FUBP3: variants seen among roughly 807,000 people sequenced by gnomAD.
The protein encoded by FUBP3 is far upstream element binding protein 3.
FUBP3 carries 28 observed loss-of-function variants against 85.6 expected under a neutral mutation model. The ratio of observed to expected loss-of-function variants is 0.33; its 90% CI spans 0.24 to 0.45. The LOEUF (loss-of-function observed/expected upper bound fraction) is 0.45, where lower values mean the gene tolerates loss of function less well. FUBP3 is among the 20% of genes least tolerant of loss of function. The pLI, the probability that FUBP3 is intolerant of heterozygous loss-of-function variation, is 1.00. For synonymous variants in FUBP3, 271 were observed against 271.4 expected (o/e 1.00, Z 0.01); for missense variants, 583 against 755.1 (o/e 0.77, Z 2.67).
chr9:130,595,226 CAAAAAAA>C (rs10585883), intron 1 of FUBP3, among the ~76,000 whole-genome samples: 1 of 100,882 alleles, frequency 9.9e-6, no homozygotes, highest in Admixed American at 1.0e-4. Context: ...AACTCCGTCT[CAAAAAAA>C]AAAAAAAAAA....
At chr9:130,622,961 T>C (rs1588154442) in intron 10 of FUBP3, 151 bp downstream of exon 10, 2 of 441,014 alleles carry the variant, frequency 4.5e-6, no homozygotes, top group African/African-American at 2.0e-5. Context: ...TGCTACCAGA[T>C]GACCAATCTC....
At position 130,579,651 on chromosome 9, in the gene FUBP3, G is replaced by T; in HGVS notation, c.-30G>T. ...CCGAGCGGCGGCGTCGGCGGCGTCG[G>T]CGGCGGCGGCGACGGCGGCGGGGGC... On this transcript the variant is annotated 5_prime_UTR_variant, in exon 1 of 19. Coordinates refer to ENST00000319725, the MANE Select transcript of FUBP3 (RefSeq NM_003934.2). 4.2e-6 allele frequency: 5 copies of T among 1,186,102 alleles called. No individual in the cohort carries two copies. The highest frequency in any genetic ancestry group is 4.2e-6 in the Non-Finnish European group (4 of 943,038). The allele number at this position is 1,186,102 out of a possible 1,614,324, so 73.5% of individuals were successfully genotyped here.
rs529680208 is a variant in FUBP3 at position 130,591,958 on chromosome 9, G to T, written c.85-3525G>T. 1.8e-4 allele frequency among the ~76,000 whole-genome samples: 27 copies of T among 152,330 alleles called. 1 individual carries two copies. The South Asian group carries it at 5.2e-3, about 29-fold the overall frequency. ...TAGAAGGAAGAGAAAAGGGCCAGGC[G>T]CAGTGGCTTACGCCTGTAATCTCAG... is the stretch of plus-strand genomic sequence containing the variant. On this transcript the variant is annotated intron_variant, in intron 1 of 18. Coordinates refer to ENST00000319725, the MANE Select transcript of FUBP3 (RefSeq NM_003934.2).
intron 1 of FUBP3, among the ~76,000 whole-genome samples, chr9:130,595,226 CAAAAAAAAAA>C (rs10585883): frequency 9.9e-6 from 1 of 100,882 alleles, no homozygotes; most frequent in Non-Finnish European, 2.1e-5. Flanking sequence ...AACTCCGTCT[CAAAAAAAAAA>C]AAAAAAAAAG....
chr9:130,626,645 T>G (rs1829988962), intron 12 of FUBP3, 140 bp downstream of exon 12: 3 of 787,432 alleles, frequency 3.8e-6, no homozygotes, highest in Non-Finnish European at 6.0e-6. Flanking sequence ...AGTAGCCACC[T>G]TCTGCCGAAA....
At chr9:130,584,432 G>T (rs1830259654) in intron 1 of FUBP3, among the ~76,000 whole-genome samples, 1 of 151,966 alleles carries the variant, frequency 6.6e-6, no homozygotes, top group South Asian at 2.1e-4. Context: ...GGAAGCTGAG[G>T]TGGGAGAATA....
At chr9:130,606,559 G>C (rs556737402) in intron 2 of FUBP3, among the ~76,000 whole-genome samples, 3 of 152,102 alleles carry the variant, frequency 2.0e-5, no homozygotes, top group Non-Finnish European at 4.4e-5. Flanking sequence ...GGTGGCTCAC[G>C]CCTGTAATCC....
chr9:130,615,046 CT>C (rs1365815643), intron 6 of FUBP3, among the ~76,000 whole-genome samples: 2 of 152,206 alleles, frequency 1.3e-5, no homozygotes, highest in African/African-American at 2.4e-5. Context: ...AAGATTATAT[CT>C]GACTCAATAG....
intron 2 of FUBP3, among the ~76,000 whole-genome samples, chr9:130,608,802 TTTC>T (rs1306655998): frequency 1.3e-5 from 2 of 152,214 alleles, no homozygotes; most frequent in Admixed American, 6.5e-5. Flanking sequence ...TGCTTTGCTT[TTTC>T]TTCTTTTTAA....
In FUBP3 at chr9:130,630,762, A is replaced by G; in HGVS notation, c.1252A>G (p.Arg418Gly). ...RGVPQQIEVA[R>G]QLIDEKVGGT... ...GGTTCCCCAGCAGATCGAGGTGGCC[A>G]GGCAGCTCATAGATGAGAAAGTTGG... is the stretch of plus-strand genomic sequence containing the variant. The change falls in exon 13 of 19, where the codon AGG becomes GGG. Residue 418 changes from arginine (R) to glycine (G), a missense_variant. Transcript: ENST00000319725. The G allele has an allele frequency of 6.5e-7, 1 of 1,537,120 alleles. No individual in the cohort carries two copies. Among genetic ancestry groups the G allele is most frequent in the Non-Finnish European group, 8.7e-7 (1 of 1,143,832 alleles).
At chr9:130,596,345 C>T (rs535690025) in intron 2 of FUBP3, among the ~76,000 whole-genome samples, 1 of 151,966 alleles carries the variant, frequency 6.6e-6, no homozygotes, top group African/African-American at 2.4e-5. Context: ...TCGCTATGTA[C>T]CCAATCATTT....
Position 130,612,448 on chromosome 9 carries a change from G to GT in FUBP3, c.225-3dup. On this transcript the variant is annotated splice_polypyrimidine_tract_variant and splice_region_variant and intron_variant, in intron 3 of 18. Transcript: ENST00000319725. The surrounding 1 kb of genome is among the most constrained non-coding windows in gnomAD (Gnocchi z 4.1). ...TGTATTTTTTTCCAAAATGTTCTTT[G>GT]TTTTTAGGACGGTAATAACGGAAGA... The GT allele has an allele frequency of 6.3e-7, 1 of 1,584,560 alleles. No homozygotes were observed. Among genetic ancestry groups the GT allele is most frequent in the Non-Finnish European group, 8.7e-7 (1 of 1,155,260 alleles).
At position 130,580,165 on chromosome 9, in the gene FUBP3, A is replaced by G. The variant is rs913639609; in HGVS notation, c.84+401A>G. Reference sequence around the variant, plus strand: ...TGTCTGACGCCCAGTAGCTTGTTAAAACTTGGGGAACATCGTCTTTAGACT... The same window carrying G: ...TGTCTGACGCCCAGTAGCTTGTTAAGACTTGGGGAACATCGTCTTTAGACT... On this transcript the variant is annotated intron_variant, in intron 1 of 18. Transcript: ENST00000319725. 5.3e-5 allele frequency among the ~76,000 whole-genome samples: 8 copies of G among 152,274 alleles called. No individual in the cohort carries two copies. In the East Asian group the frequency reaches 1.5e-3, roughly 29 times the overall value.
In FUBP3 at chr9:130,616,620, G is replaced by C; in HGVS notation, c.567+103G>C. The C allele has an allele frequency of 2.8e-6, 3 of 1,088,176 alleles. No homozygotes were observed. The highest frequency in any genetic ancestry group is 4.1e-6 in the Non-Finnish European group (3 of 732,220). The allele number at this position is 1,088,176 out of a possible 1,614,324, so 67.4% of individuals were successfully genotyped here. A position where few individuals can be genotyped will look rare whatever the true frequency, so the allele number is the denominator to read the frequency against. ...CGGCTGGCATTCCCTGGCTGGGCTGGCTTTGTGCAGCATTGTGCTGAGGCT... is the reference window on the plus strand; with the variant it reads ...CGGCTGGCATTCCCTGGCTGGGCTGCCTTTGTGCAGCATTGTGCTGAGGCT... On this transcript the variant is annotated intron_variant, in intron 7 of 18. Transcript: ENST00000319725. The surrounding 1 kb of genome is among the most constrained non-coding windows in gnomAD (Gnocchi z 4.7).
chr9:130,626,273 C>A, intron 11 of FUBP3, 91 bp from the exon 12 acceptor site: 1 of 1,364,288 alleles, frequency 7.3e-7, no homozygotes, highest in Non-Finnish European at 1.0e-6. Context: ...GCATTGATTA[C>A]ATCCTGTCAC....
chr9:130,587,761 C>T (rs1009751871), intron 1 of FUBP3, among the ~76,000 whole-genome samples: 1 of 152,252 alleles, frequency 6.6e-6, no homozygotes, highest in African/African-American at 2.4e-5. Flanking sequence ...ATTAAGGACT[C>T]TTTGTCTTAA....
chr9:130,627,012 C>G (rs753596670), intron 12 of FUBP3, among the ~76,000 whole-genome samples: 2 of 152,236 alleles, frequency 1.3e-5, no homozygotes, highest in Non-Finnish European at 2.9e-5. Context: ...CACGGACTCT[C>G]TGTGGAGGGA....
At chr9:130,607,070 A>T (rs1282716432) in intron 2 of FUBP3, among the ~76,000 whole-genome samples, 3 of 151,872 alleles carry the variant, frequency 2.0e-5, no homozygotes, top group Non-Finnish European at 4.4e-5. Flanking sequence ...TCCCCGGTTC[A>T]TTGTGCATCA....
At chr9:130,626,539 A>G in intron 12 of FUBP3, 34 bp downstream of exon 12, 1 of 1,606,180 alleles carries the variant, frequency 6.2e-7, no homozygotes. Context: ...ATCCCCCCTC[A>G]GCTGTTTGGC....
Sources: allele counts gnomAD v4.1 joint callset (sites outside exome capture counted in the v4.1 genomes callset), GRCh38; gene constraint gnomAD v4.1.1; non-coding constraint Gnocchi (gnomAD v3.1); transcripts MANE v1.5; gene names NCBI Gene and HGNC (gene_info 2026-07-23, HGNC 2026-07-21).